Variants in KCTD8 observed in about 807,000 individuals in gnomAD.
The protein encoded by KCTD8 is BTB/POZ domain-containing protein KCTD8.
A neutral mutation model predicts 31.5 loss-of-function variants in KCTD8; 27 were observed. That is an observed-to-expected ratio of 0.86 (90% CI 0.63 to 1.18). KCTD8 has a LOEUF of 1.18. Among genes scored for constraint, KCTD8 ranks in the 50% most tolerant of loss-of-function variants. KCTD8 has a pLI of 0.00. For synonymous variants in KCTD8, 290 were observed against 280.0 expected (o/e 1.04, Z -0.36); for missense variants, 658 against 647.7 (o/e 1.02, Z -0.17).
intron 1 of KCTD8, among the ~76,000 whole-genome samples, chr4:44,245,827 A>G (rs1715648566): frequency 1.3e-5 from 2 of 152,040 alleles, no homozygotes; most frequent in South Asian, 4.1e-4. Context: ...TTCTAAAACT[A>G]AGATTCCTCC....
At chr4:44,439,614 T>C (rs1463129416) in intron 1 of KCTD8, among the ~76,000 whole-genome samples, 2 of 152,126 alleles carry the variant, frequency 1.3e-5, no homozygotes, top group Admixed American at 6.5e-5. Context: ...GTTAAGTATA[T>C]TTTAAGATGC....
At chr4:44,252,585 G>A (rs1715874776) in intron 1 of KCTD8, among the ~76,000 whole-genome samples, 1 of 151,456 alleles carries the variant, frequency 6.6e-6, no homozygotes, top group South Asian at 2.1e-4. Context: ...CGCATCAAAA[G>A]CTTTTTTGTA....
chr4:44,232,716 A>C (rs1228321643), intron 1 of KCTD8, among the ~76,000 whole-genome samples: 1 of 152,174 alleles, frequency 6.6e-6, no homozygotes, highest in African/African-American at 2.4e-5. Flanking sequence ...CAACAAACAG[A>C]ATAATAGTTT....
intron 1 of KCTD8, among the ~76,000 whole-genome samples, chr4:44,259,835 G>T (rs538171522): frequency 2.0e-5 from 3 of 151,966 alleles, no homozygotes; most frequent in Non-Finnish European, 4.4e-5. Flanking sequence ...TCTGTTATTT[G>T]AGGTATATTG....
rs1477553633 is a variant in KCTD8, at chr4:44,327,922, G to A, written c.961+119641C>T. ...AAGTAATTTAAAATACAAACATTTG[G>A]TAACTTTAAGAAAGTCTTAAAATAC... On this transcript the variant is annotated intron_variant, in intron 1 of 1. Coordinates refer to ENST00000360029, the MANE Select transcript of KCTD8 (RefSeq NM_198353.3). 1.3e-5 allele frequency among the ~76,000 whole-genome samples: 2 copies of A among 151,764 alleles called. 1 individual carries two copies. The highest frequency in any genetic ancestry group is 2.9e-5 in the Non-Finnish European group (2 of 67,910).
intron 1 of KCTD8, among the ~76,000 whole-genome samples, chr4:44,354,816 A>C (rs1204236472): frequency 1.3e-5 from 2 of 152,156 alleles, no homozygotes; most frequent in Admixed American, 1.3e-4. Flanking sequence ...AAATTCCCCA[A>C]GGAAGAGCCT....
intron 1 of KCTD8, among the ~76,000 whole-genome samples, chr4:44,331,277 T>C (rs1458224208): frequency 2.6e-5 from 4 of 151,856 alleles, no homozygotes; most frequent in African/African-American, 9.7e-5. Context: ...CTAATATTGT[T>C]AGGAAAAAGT....
At chr4:44,376,933 T>C (rs1267036034) in intron 1 of KCTD8, among the ~76,000 whole-genome samples, 1 of 152,130 alleles carries the variant, frequency 6.6e-6, no homozygotes, top group Non-Finnish European at 1.5e-5. Flanking sequence ...GTTGGTTGAG[T>C]ACATGGGATG....
At chr4:44,210,115 G>A (rs1714438954) in intron 1 of KCTD8, among the ~76,000 whole-genome samples, 1 of 152,076 alleles carries the variant, frequency 6.6e-6, no homozygotes, top group Non-Finnish European at 1.5e-5. Context: ...ATTACCCTGG[G>A]CATTATGTAA....
chr4:44,237,062 T>A (rs1715312857), intron 1 of KCTD8, among the ~76,000 whole-genome samples: 3 of 152,302 alleles, frequency 2.0e-5, no homozygotes, highest in Middle Eastern at 3.4e-3. Context: ...GTCTTGGGTA[T>A]GTCTTTATTA....
intron 1 of KCTD8, among the ~76,000 whole-genome samples, chr4:44,213,083 G>A (rs938730940): frequency 1.3e-4 from 20 of 151,930 alleles, no homozygotes; most frequent in South Asian, 4.2e-4. Flanking sequence ...GTCTACAGGC[G>A]CCCGCCACCA....
chr4:44,207,136 T>G (rs1456315534), intron 1 of KCTD8, among the ~76,000 whole-genome samples: 2 of 152,186 alleles, frequency 1.3e-5, no homozygotes, highest in Admixed American at 1.3e-4. Context: ...TCTCCATACG[T>G]TGGATTCCTA....
At chr4:44,331,895 AAG>A (rs995002424) in intron 1 of KCTD8, among the ~76,000 whole-genome samples, 4 of 151,272 alleles carry the variant, frequency 2.6e-5, no homozygotes, top group African/African-American at 9.7e-5. Context: ...GAGAGAAAGC[AAG>A]AGAGGGCATG....
intron 1 of KCTD8, among the ~76,000 whole-genome samples, chr4:44,387,754 T>C (rs1485525543): frequency 6.6e-6 from 1 of 151,704 alleles, no homozygotes; most frequent in Admixed American, 6.6e-5. Context: ...AACCCAAAAC[T>C]ATAAAAATCC....
At chr4:44,439,891 A>T (rs1400051607) in intron 1 of KCTD8, among the ~76,000 whole-genome samples, 1 of 134,964 alleles carries the variant, frequency 7.4e-6, no homozygotes, top group East Asian at 2.1e-4. Context: ...TAGTCCACCA[A>T]TCATTTATTT....
intron 1 of KCTD8, among the ~76,000 whole-genome samples, chr4:44,223,429 A>G (rs1467474040): frequency 6.6e-6 from 1 of 152,228 alleles, no homozygotes; most frequent in Admixed American, 6.5e-5. Context: ...TAATAACAGC[A>G]TGACTATTTT....
chr4:44,368,115 G>T (rs1560437622), intron 1 of KCTD8, among the ~76,000 whole-genome samples: 1 of 152,104 alleles, frequency 6.6e-6, no homozygotes, highest in Non-Finnish European at 1.5e-5. Flanking sequence ...GGTGGCTCAT[G>T]CCTGTAATCT....
chr4:44,287,037 A>AT (rs1457660925), intron 1 of KCTD8, among the ~76,000 whole-genome samples: 2 of 152,124 alleles, frequency 1.3e-5, no homozygotes, highest in Non-Finnish European at 2.9e-5. Flanking sequence ...GTTTCATAGC[A>AT]TTTTCAAGTA....
At chr4:44,382,139 A>T (rs778656184) in intron 1 of KCTD8, among the ~76,000 whole-genome samples, 2 of 151,990 alleles carry the variant, frequency 1.3e-5, no homozygotes, top group Non-Finnish European at 2.9e-5. Flanking sequence ...GGGAACTACA[A>T]TACCCCACTC....
Sources: gnomAD v4.1 joint callset for allele counts (sites outside exome capture counted in the v4.1 genomes callset) on GRCh38, gnomAD v4.1.1 for gene constraint, MANE v1.5 for transcripts, NCBI Gene and HGNC (gene_info 2026-07-23, HGNC 2026-07-21) for gene names.